CDC14B: variants seen among roughly 807,000 people sequenced by gnomAD.
CDC14B encodes dual specificity protein phosphatase CDC14B.
In CDC14B, 22 loss-of-function variants were observed where a neutral mutation model predicts 64.2. The ratio of observed to expected loss-of-function variants is 0.34; its 90% CI spans 0.24 to 0.49. The LOEUF is 0.49. CDC14B is among the 20% of genes least tolerant of loss of function. The pLI, the probability that CDC14B is intolerant of heterozygous loss-of-function variation, is 0.99. For synonymous variants in CDC14B, 191 were observed against 215.8 expected, an observed-to-expected ratio of 0.89 and a Z score of 1.01; for missense variants, 498 against 629.9, an observed-to-expected ratio of 0.79 and a Z score of 2.24.
chr9:96,569,981 T>C (rs922594142), intron 1 of CDC14B, among the ~76,000 whole-genome samples: 1 of 152,356 alleles, frequency 6.6e-6, no homozygotes, highest in East Asian at 1.9e-4. Flanking sequence ...ATGTTTCTGT[T>C]GTCAGAAACA....
At chr9:96,517,658 A>G (rs1294614500) in intron 12 of CDC14B, among the ~76,000 whole-genome samples, 1 of 146,112 alleles carries the variant, frequency 6.8e-6, no homozygotes, top group Non-Finnish European at 1.5e-5. Flanking sequence ...AAAAAAAAAA[A>G]AAAAAAGAAG....
chr9:96,557,668 AT>A (rs1293806956), intron 4 of CDC14B, among the ~76,000 whole-genome samples: 6 of 152,210 alleles, frequency 3.9e-5, no homozygotes, highest in African/African-American at 4.8e-5. Flanking sequence ...ATATTCTTAA[AT>A]TTAATTAGTA....
rs776769081 is a variant in CDC14B, at chr9:96,515,767, C to T, written c.1344-5978G>A. The stretch of plus-strand genomic sequence containing the variant: ...CACCAGATGACAACACTACACAGTG[C>T]AGAGGTCAGCACAGCTAGGGGACAT... On this transcript the variant is annotated intron_variant, in intron 12 of 13. Transcript: ENST00000375241. The surrounding 1 kb of genome is among the most constrained non-coding windows in gnomAD (Gnocchi z 4.3). 1.2e-5 allele frequency: 19 copies of T among 1,603,976 alleles called. No individual in the cohort carries two copies. The highest frequency in any genetic ancestry group is 1.7e-5 in the Admixed American group (1 of 58,746).
At chr9:96,580,341 C>T (rs542988420) in intron 1 of CDC14B, among the ~76,000 whole-genome samples, 73 of 152,010 alleles carry the variant, frequency 4.8e-4, no homozygotes, top group African/African-American at 1.5e-3. Context: ...AAGCGATTCT[C>T]CTGCCTCAGC....
chr9:96,542,933 G>A (rs1460338464), intron 5 of CDC14B, among the ~76,000 whole-genome samples: 1 of 152,078 alleles, frequency 6.6e-6, no homozygotes, highest in Non-Finnish European at 1.5e-5. Flanking sequence ...GCTTGAACAA[G>A]AGAGATGGAG....
chr9:96,593,801 A>C (rs1325715632), intron 1 of CDC14B, among the ~76,000 whole-genome samples: 1 of 152,190 alleles, frequency 6.6e-6, no homozygotes, highest in Non-Finnish European at 1.5e-5. Context: ...AAGAGATGTC[A>C]AGAGAAGTCC....
chr9:96,570,791 C>T (rs1399937589), intron 1 of CDC14B, among the ~76,000 whole-genome samples: 2 of 152,188 alleles, frequency 1.3e-5, no homozygotes, highest in Admixed American at 1.3e-4. Context: ...CTACCAGGGT[C>T]AACTAGCTCT....
chr9:96,575,275 G>A (rs1005058145), intron 1 of CDC14B, among the ~76,000 whole-genome samples: 5 of 152,238 alleles, frequency 3.3e-5, no homozygotes, highest in Middle Eastern at 6.8e-3. Flanking sequence ...AGTTGCCTTC[G>A]GATCTAAATG....
chr9:96,531,775 A>C (rs1006197688), intron 9 of CDC14B, among the ~76,000 whole-genome samples: 2 of 152,226 alleles, frequency 1.3e-5, no homozygotes, highest in African/African-American at 4.8e-5. Flanking sequence ...TACAGTAATA[A>C]TATTTTACAA....
At chr9:96,582,276 C>A (rs1022932501) in intron 1 of CDC14B, among the ~76,000 whole-genome samples, 1 of 152,134 alleles carries the variant, frequency 6.6e-6, no homozygotes, top group African/African-American at 2.4e-5. Flanking sequence ...ATCTGCTAAC[C>A]ATAATAAAAA....
In CDC14B at chr9:96,619,302, G is replaced by A. The variant is rs1377759481; in HGVS notation, c.77C>T (p.Pro26Leu). Residue 26 changes from proline to leucine, a missense_variant, in exon 1 of 14, where the codon CCG becomes CTG. Transcript: ENST00000375241. The stretch of plus-strand genomic sequence containing the variant: ...GGAGCTGCGGATCTTCTTCACACCC[G>A]GCGAGGTCGACGAGCAGCGCCGCGA... Reference protein sequence around the residue: ...PCSRRCSSTSPGVKKIRSSTQ... With the variant: ...PCSRRCSSTSLGVKKIRSSTQ... The A allele has an allele frequency of 4.5e-6, 6 of 1,321,008 alleles. No individual in the cohort carries two copies. The highest frequency in any genetic ancestry group is 5.8e-6 in the Non-Finnish European group (6 of 1,031,862). The allele number at this position is 1,321,008 out of a possible 1,614,324, so 81.8% of individuals were successfully genotyped here. A position where few individuals can be genotyped will look rare whatever the true frequency, so the allele number is the denominator to read the frequency against.
At chr9:96,524,566 T>G (rs1837279416) in intron 9 of CDC14B, among the ~76,000 whole-genome samples, 1 of 152,158 alleles carries the variant, frequency 6.6e-6, no homozygotes, top group Non-Finnish European at 1.5e-5. Flanking sequence ...CCAGTGATGG[T>G]TAATTTTATG....
intron 11 of CDC14B, among the ~76,000 whole-genome samples, chr9:96,523,055 G>A (rs1836987811): frequency 6.6e-6 from 1 of 152,180 alleles, no homozygotes. Flanking sequence ...TGCACCTGCT[G>A]AGTAAGTAAA....
At chr9:96,514,533 C>A (rs1835349411) in intron 12 of CDC14B, 1 of 985,296 alleles carries the variant, frequency 1.0e-6, no homozygotes, top group South Asian at 4.7e-5. Context: ...GTGAAATCAG[C>A]TTGATTTTTA....
At chr9:96,514,339 T>C (rs1835318029) in intron 12 of CDC14B, 1 of 748,084 alleles carries the variant, frequency 1.3e-6, no homozygotes, top group South Asian at 6.1e-5. Context: ...CATGATGCTC[T>C]TGAGTCAGAA....
intron 13 of CDC14B, among the ~76,000 whole-genome samples, chr9:96,507,967 A>T (rs1834386401): frequency 6.6e-6 from 1 of 152,174 alleles, no homozygotes; most frequent in Non-Finnish European, 1.5e-5. Flanking sequence ...ATATTTCTAT[A>T]CATATATAGT....
chr9:96,518,947 T>C (rs1458244539), intron 12 of CDC14B, among the ~76,000 whole-genome samples: 2 of 151,938 alleles, frequency 1.3e-5, no homozygotes, highest in East Asian at 1.9e-4. Flanking sequence ...CCATCCTGGC[T>C]AACACAGTGA....
intron 1 of CDC14B, among the ~76,000 whole-genome samples, chr9:96,607,412 T>C (rs1228249513): frequency 1.4e-5 from 2 of 142,788 alleles, no homozygotes; most frequent in African/African-American, 2.7e-5. Context: ...AAACGTGATG[T>C]CTTTTTTTTT....
intron 1 of CDC14B, among the ~76,000 whole-genome samples, chr9:96,581,880 G>C (rs916010281): frequency 1.3e-5 from 2 of 152,162 alleles, no homozygotes; most frequent in Non-Finnish European, 2.9e-5. Context: ...TACAGCATTG[G>C]TAGCTAGTGC....
Sources: allele counts gnomAD v4.1 joint callset (sites outside exome capture counted in the v4.1 genomes callset), GRCh38; gene constraint gnomAD v4.1.1; non-coding constraint Gnocchi (gnomAD v3.1); transcripts MANE v1.5; gene names NCBI Gene and HGNC (gene_info 2026-07-23, HGNC 2026-07-21).